Variants in UGT1A10 observed in about 807,000 individuals in gnomAD.
UGT1A10 encodes UDP glucuronosyltransferase family 1 member A10, also known as UDP-glucuronosyltransferase 1A10.
UGT1A10 carries 49 observed loss-of-function variants against 45.8 expected under a neutral mutation model. The ratio of observed to expected loss-of-function variants is 1.07; its 90% CI spans 0.85 to 1.36. The LOEUF (loss-of-function observed/expected upper bound fraction) is 1.36, where lower values mean the gene tolerates loss of function less well. Ranked by LOEUF, UGT1A10 falls within the 40% of genes most tolerant of loss-of-function variation. UGT1A10 has a pLI of 0.00. For missense variants in UGT1A10, 745 were observed against 668.6 expected (o/e 1.11, Z -1.26); for synonymous variants, 284 against 249.7 (o/e 1.14, Z -1.29).
At chr2:233,767,332 A>C (rs34743975) in intron 2 of UGT1A10, among the ~76,000 whole-genome samples, 167 bp downstream of exon 2, 47 of 152,148 alleles carry the variant, frequency 3.1e-4, no homozygotes, top group Admixed American at 1.7e-3. Flanking sequence ...GGTTGTTGTC[A>C]TTGTTTTCAA....
chr2:233,751,271 T>G (rs1694686966), intron 1 of UGT1A10, among the ~76,000 whole-genome samples: 2 of 151,964 alleles, frequency 1.3e-5, no homozygotes, highest in African/African-American at 4.9e-5. Flanking sequence ...CCCCTTTTTT[T>G]GGCCAGTTTC....
intron 1 of UGT1A10, among the ~76,000 whole-genome samples, chr2:233,665,329 C>T (rs2074051567): frequency 6.6e-6 from 1 of 152,180 alleles, no homozygotes; most frequent in Non-Finnish European, 1.5e-5. Context: ...AGTATGTAAA[C>T]ACTCTTTAAT....
At chr2:233,669,305 C>T (rs769280512) in intron 1 of UGT1A10, among the ~76,000 whole-genome samples, 1 of 151,672 alleles carries the variant, frequency 6.6e-6, no homozygotes, top group Non-Finnish European at 1.5e-5. Flanking sequence ...AGGTCTTTTA[C>T]ATTTCCCTAT....
intron 1 of UGT1A10, among the ~76,000 whole-genome samples, chr2:233,656,239 A>G (rs997294463): frequency 7.2e-5 from 11 of 152,214 alleles, no homozygotes; most frequent in Non-Finnish European, 1.0e-4. Context: ...ATGGATTACA[A>G]TTAGGCCCTA....
chr2:233,682,632 C>G (rs1559339881), intron 1 of UGT1A10: 4 of 1,613,934 alleles, frequency 2.5e-6, no homozygotes, highest in Non-Finnish European at 3.4e-6. Context: ...GAAATAGCCT[C>G]TGAAATTCTC....
At chr2:233,767,273 T>C (rs772040465) in intron 2 of UGT1A10, 108 bp downstream of exon 2, 1 of 1,581,726 alleles carries the variant, frequency 6.3e-7, no homozygotes, top group Non-Finnish European at 8.5e-7. Context: ...GATTTGGCTT[T>C]TCCCTGCCAC....
intron 1 of UGT1A10, among the ~76,000 whole-genome samples, chr2:233,744,543 A>T (rs946291189): frequency 4.6e-5 from 7 of 152,050 alleles, no homozygotes; most frequent in East Asian, 1.9e-4. Flanking sequence ...TGTAAATTTT[A>T]TTAAGACAAA....
intron 1 of UGT1A10, chr2:233,747,418 T>A: frequency 6.2e-7 from 1 of 1,607,692 alleles, no homozygotes; most frequent in Non-Finnish European, 8.5e-7. Flanking sequence ...AATATGCACA[T>A]CAAACAAGAG....
chr2:233,707,789 G>A (rs2075987788), intron 1 of UGT1A10, among the ~76,000 whole-genome samples: 1 of 152,152 alleles, frequency 6.6e-6, no homozygotes, highest in African/African-American at 2.4e-5. Flanking sequence ...ATACCTAGGG[G>A]TGGAGCTGCT....
At chr2:233,754,951 G>A (rs769037573) in intron 1 of UGT1A10, 2 of 1,320,818 alleles carry the variant, frequency 1.5e-6, no homozygotes, top group Non-Finnish European at 2.0e-6. Context: ...AATGGGTCCC[G>A]GCCGCCAAAG....
chr2:233,659,699 A>G (rs1038951505), intron 1 of UGT1A10, among the ~76,000 whole-genome samples: 1 of 152,158 alleles, frequency 6.6e-6, no homozygotes, highest in South Asian at 2.1e-4. Context: ...TTACTGTCTG[A>G]CATTTTTGCT....
rs776259133 is a variant in UGT1A10, at chr2:233,637,287, G to A, written c.765G>A (p.Thr255=). 18 of 1,613,948 alleles carry A rather than the reference G, an allele frequency of 1.1e-5. No individual in the cohort carries two copies. Among genetic ancestry groups the A allele is most frequent in the South Asian group, 3.3e-5 (3 of 91,080 alleles). The change falls in exon 1 of 5, where the codon ACG becomes ACA. Residue 255 remains threonine, a synonymous_variant. Transcript: ENST00000344644. ...YSHTSIWLLR[T]DFVLDYPKPV... is the part of the protein sequence containing the mutation. The stretch of plus-strand genomic sequence containing the variant: ...ACACATCAATTTGGTTGTTGCGAAC[G>A]GACTTTGTTTTGGACTATCCCAAAC...
chr2:233,710,732 C>T (rs1375598699), intron 1 of UGT1A10, among the ~76,000 whole-genome samples: 1 of 152,164 alleles, frequency 6.6e-6, no homozygotes, highest in Non-Finnish European at 1.5e-5. Context: ...AAAACAACGT[C>T]TTTCAAGGAG....
At chr2:233,758,604 G>A (rs1575759841) in intron 1 of UGT1A10, among the ~76,000 whole-genome samples, 2 of 152,306 alleles carry the variant, frequency 1.3e-5, no homozygotes, top group East Asian at 3.9e-4. Context: ...AGGAGCTTCA[G>A]TGTGCATGTG....
At position 233,637,252 on chromosome 2, in the gene UGT1A10, C is replaced by T; in HGVS notation, c.730C>T (p.Leu244Phe). 6.2e-7 allele frequency: 1 copy of T among 1,613,960 alleles called. No individual in the cohort carries two copies. Among genetic ancestry groups the T allele is most frequent in the Non-Finnish European group, 8.5e-7 (1 of 1,179,862 alleles). ...CCAAACCCCTGTCACGGCATATGATCTCTACAGTCACACATCAATTTGGTT... is the reference window on the plus strand; with the variant it reads ...CCAAACCCCTGTCACGGCATATGATTTCTACAGTCACACATCAATTTGGTT... ...ILQTPVTAYD[L>F]YSHTSIWLLR... is the part of the protein sequence containing the mutation. The change falls in exon 1 of 5, where the codon CTC (leucine) becomes TTC (phenylalanine). Residue 244 changes from leucine (L) to phenylalanine (F), a missense_variant. By Grantham distance (22) the Leu-to-Phe change is conservative (BLOSUM62 0). Transcript: ENST00000344644.
chr2:233,769,848 A>C lies in UGT1A10; in HGVS notation c.1295+1409A>C. ...CCAGCAACCTGGGCAACAGAGTGAG[A>C]CCCTGTCTCAAAAAAAAAAAAAAAA... is the stretch of plus-strand genomic sequence containing the variant. On this transcript the variant is annotated intron_variant, in intron 4 of 4. Transcript: ENST00000344644. The surrounding 1 kb of genome is among the most constrained non-coding windows in gnomAD (Gnocchi z 4.4). The C allele has an allele frequency of 1.9e-5, 9 of 472,234 alleles. No homozygotes were observed. Among genetic ancestry groups the C allele is most frequent in the South Asian group, 5.6e-5 (1 of 17,844 alleles). The allele number at this position is 472,234 out of a possible 1,614,324, so 29.3% of individuals were successfully genotyped here.
intron 1 of UGT1A10, among the ~76,000 whole-genome samples, chr2:233,665,030 G>A (rs1301733779): frequency 6.6e-6 from 1 of 152,144 alleles, no homozygotes; most frequent in Admixed American, 6.5e-5. Context: ...GTAGTTTTGT[G>A]TGCATCATTT....
intron 1 of UGT1A10, among the ~76,000 whole-genome samples, chr2:233,739,421 G>C (rs1173496275): frequency 2.6e-5 from 4 of 152,188 alleles, no homozygotes; most frequent in African/African-American, 9.7e-5. Context: ...AAAGCAGCCA[G>C]GACGAGGGCT....
intron 1 of UGT1A10, chr2:233,713,265 C>T: frequency 6.2e-7 from 1 of 1,614,232 alleles, no homozygotes; most frequent in Non-Finnish European, 8.5e-7. Flanking sequence ...ATTTGATCGC[C>T]TTTTGCTGGG....
Sources: allele counts gnomAD v4.1 joint callset (sites outside exome capture counted in the v4.1 genomes callset), GRCh38; gene constraint gnomAD v4.1.1; non-coding constraint Gnocchi (gnomAD v3.1); transcripts MANE v1.5; gene names NCBI Gene and HGNC (gene_info 2026-07-23, HGNC 2026-07-21).